RASGRF1: variants seen among roughly 807,000 people sequenced by gnomAD.
RASGRF1 encodes the protein ras-specific guanine nucleotide-releasing factor 1.
A neutral mutation model predicts 138.7 loss-of-function variants in RASGRF1; 40 were observed. The ratio of observed to expected loss-of-function variants is 0.29; its 90% confidence interval spans 0.22 to 0.38. The LOEUF is 0.38. RASGRF1 is among the 10% of genes least tolerant of loss of function. The pLI is 1.00. For missense variants in RASGRF1, 1,108 were observed against 1,650.4 expected, an observed-to-expected ratio of 0.67 and a Z score of 5.69; for synonymous variants, 614 against 663.2, an observed-to-expected ratio of 0.93 and a Z score of 1.14.
Position 79,032,018 on chromosome 15 carries a change from C to G in RASGRF1, c.1152+105G>C. ...TGACCACCTCCCCCGCCCCCTTTGG[C>G]AGCCCAGAGCTGGGGTGCGTTAAGC... is the stretch of plus-strand genomic sequence containing the variant. On this transcript the variant is annotated intron_variant, in intron 7 of 26. Transcript: ENST00000558480. The surrounding 1 kb of genome is among the most constrained non-coding windows in gnomAD (Gnocchi z 4.5). 7.4e-7 allele frequency: 1 copy of G among 1,356,104 alleles called. No homozygotes were observed. The highest frequency in any genetic ancestry group is 1.0e-6 in the Non-Finnish European group (1 of 1,004,758). The allele number at this position is 1,356,104 out of a possible 1,614,324, so 84.0% of individuals were successfully genotyped here. A position where few individuals can be genotyped will look rare whatever the true frequency, so the allele number is the denominator to read the frequency against.
At chr15:79,003,073 GC>G (rs2056574018) in intron 15 of RASGRF1, among the ~76,000 whole-genome samples, 2 of 152,292 alleles carry the variant, frequency 1.3e-5, no homozygotes, top group Admixed American at 1.3e-4. Context: ...GAGTAGGGAG[GC>G]TCCAGCCTGT....
chr15:79,033,355 A>AC (rs1421436181), intron 6 of RASGRF1, among the ~76,000 whole-genome samples: 1 of 150,630 alleles, frequency 6.6e-6, no homozygotes, highest in African/African-American at 2.4e-5. Context: ...TGATTCTCCC[A>AC]CCTCAGCCTC....
intron 26 of RASGRF1, among the ~76,000 whole-genome samples, chr15:78,969,985 T>C (rs1446329608): frequency 6.6e-6 from 1 of 152,226 alleles, no homozygotes; most frequent in African/African-American, 2.4e-5. Flanking sequence ...TAATTGTAGT[T>C]AGTCCACTGA....
chr15:79,081,860 G>A (rs2057918284), intron 1 of RASGRF1, among the ~76,000 whole-genome samples: 1 of 152,200 alleles, frequency 6.6e-6, no homozygotes, highest in African/African-American at 2.4e-5. Context: ...CATCTCAGGA[G>A]GACACTTTAG....
chr15:79,039,014 G>A (rs76624582), intron 5 of RASGRF1, among the ~76,000 whole-genome samples: 25 of 152,116 alleles, frequency 1.6e-4, no homozygotes, highest in Middle Eastern at 3.4e-3. Context: ...TACTAGGCTG[G>A]TTTTTCATAG....
At chr15:79,036,063 G>C (rs998943106) in intron 5 of RASGRF1, among the ~76,000 whole-genome samples, 5 of 152,208 alleles carry the variant, frequency 3.3e-5, no homozygotes, top group African/African-American at 1.2e-4. Flanking sequence ...CCAAGCAGCT[G>C]GTCCCAGAAC....
intron 21 of RASGRF1, among the ~76,000 whole-genome samples, chr15:78,991,155 C>G (rs1212171678): frequency 6.6e-6 from 1 of 152,224 alleles, no homozygotes; most frequent in African/African-American, 2.4e-5. Context: ...ATGCTGTGTA[C>G]TTATTAAAAA....
chr15:78,973,331 C>A lies in RASGRF1; in HGVS notation c.3584G>T (p.Gly1195Val), dbSNP rs775650580. 2 of 1,613,248 alleles carry A rather than the reference C, an allele frequency of 1.2e-6. No homozygotes were observed. Among genetic ancestry groups the A allele is most frequent in the South Asian group, 1.1e-5 (1 of 91,026 alleles). The change falls in exon 25 of 27, where the codon GGC becomes GTC. Residue 1195 changes from glycine to valine, a missense_variant. Coordinates refer to ENST00000558480, the MANE Select transcript of RASGRF1 (RefSeq NM_001145648.3). The surrounding 1 kb of genome is among the most constrained non-coding windows in gnomAD (Gnocchi z 4.9). ...EEGTPNYTEDGLVNFSKMRMI... is the reference protein window; with the variant it reads ...EEGTPNYTEDVLVNFSKMRMI... ...CCTCATCTTGGAGAAGTTGACCAGG[C>A]CGTCTTCCGTGTAATTGGGCGTCCC...
intron 13 of RASGRF1, chr15:79,012,448 C>G (rs760529462): frequency 2.2e-6 from 3 of 1,345,732 alleles, no homozygotes; most frequent in African/African-American, 2.9e-5. Flanking sequence ...GTCTCTCTCT[C>G]TCTCACTAAA....
chr15:79,000,456 G>C (rs2056497816), intron 16 of RASGRF1, among the ~76,000 whole-genome samples: 1 of 152,080 alleles, frequency 6.6e-6, no homozygotes, highest in South Asian at 2.1e-4. Context: ...TAACCCCTCT[G>C]GGTTTCAGTA....
In RASGRF1 at chr15:79,047,003, A is replaced by G; in HGVS notation, c.625-4T>C. 6.2e-7 allele frequency: 1 copy of G among 1,608,568 alleles called. No homozygotes were observed. Among genetic ancestry groups the G allele is most frequent in the Non-Finnish European group, 8.5e-7 (1 of 1,177,214 alleles). On this transcript the variant is annotated splice_polypyrimidine_tract_variant and splice_region_variant and intron_variant, in intron 4 of 26. Transcript: ENST00000558480. Reference sequence around the variant, plus strand: ...AGCCCCGCAGGAAGCTCTGCACCTGAGCAGCAAGACCGGTGGGGAGAGGCT... The same window carrying G: ...AGCCCCGCAGGAAGCTCTGCACCTGGGCAGCAAGACCGGTGGGGAGAGGCT...
chr15:78,966,067 G>A (rs2055637924), intron 26 of RASGRF1, among the ~76,000 whole-genome samples: 1 of 152,028 alleles, frequency 6.6e-6, no homozygotes, highest in Non-Finnish European at 1.5e-5. Flanking sequence ...ATTGGCCAGG[G>A]AGCCATTCTG....
Position 79,090,235 on chromosome 15 carries a change from C to A in RASGRF1, c.264G>T (p.Pro88=). 1 of 1,605,418 alleles carries A rather than the reference C, an allele frequency of 6.2e-7. No homozygotes were observed. Among genetic ancestry groups the A allele is most frequent in the Non-Finnish European group, 8.5e-7 (1 of 1,177,548 alleles). ...ACGCTCGCCTCACCTGTTTCTCCAG[C>A]GGCTCCTTGGCCGACAGCGCCGGCT... ...SPKPALSAKE[P]LEKQHYFTVN... Residue 88 remains proline, a synonymous_variant, in exon 1 of 27, where the codon CCG becomes CCT. Coordinates refer to ENST00000558480, the MANE Select transcript of RASGRF1 (RefSeq NM_001145648.3).
intron 1 of RASGRF1, among the ~76,000 whole-genome samples, chr15:79,067,048 A>G (rs2141069029): frequency 6.6e-6 from 1 of 152,264 alleles, no homozygotes; most frequent in Non-Finnish European, 1.5e-5. Context: ...CCTAACAAGC[A>G]TCCTGCATCT....
At chr15:79,030,048 G>A (rs915629196) in intron 8 of RASGRF1, among the ~76,000 whole-genome samples, 1 of 152,152 alleles carries the variant, frequency 6.6e-6, no homozygotes, top group Admixed American at 6.5e-5. Flanking sequence ...CCACCTTCCT[G>A]CTTGGTGGTT....
intron 2 of RASGRF1, 151 bp from the exon 3 acceptor site, chr15:79,058,632 C>A: frequency 9.2e-7 from 1 of 1,083,700 alleles, no homozygotes; most frequent in Non-Finnish European, 1.3e-6. Context: ...GAGGGCTTGG[C>A]AGGGTAGAGG....
At position 79,006,065 on chromosome 15, in the gene RASGRF1, A is replaced by G; in HGVS notation, c.2075+121T>C. 7.1e-7 allele frequency: 1 copy of G among 1,408,526 alleles called. No homozygotes were observed. The highest frequency in any genetic ancestry group is 9.7e-7 in the Non-Finnish European group (1 of 1,029,418). The allele number at this position is 1,408,526 out of a possible 1,614,324, so 87.3% of individuals were successfully genotyped here. A position where few individuals can be genotyped will look rare whatever the true frequency, so the allele number is the denominator to read the frequency against. On this transcript the variant is annotated intron_variant, in intron 14 of 26. Coordinates refer to ENST00000558480, the MANE Select transcript of RASGRF1 (RefSeq NM_001145648.3). The surrounding 1 kb of genome is among the most constrained non-coding windows in gnomAD (Gnocchi z 4.0). Reference sequence around the variant, plus strand: ...GGCGGTGTGTGTCCCGCAGCACCCCAACACGTTACTGCTGCTCCTCCAGGG... The same window carrying G: ...GGCGGTGTGTGTCCCGCAGCACCCCGACACGTTACTGCTGCTCCTCCAGGG...
At chr15:78,980,318 C>T (rs895084348) in intron 24 of RASGRF1, 4 of 241,818 alleles carry the variant, frequency 1.7e-5, no homozygotes, top group Non-Finnish European at 2.4e-5. Flanking sequence ...GAAAAGAAAA[C>T]GTGCATTTTA....
At chr15:79,005,196 TG>T (rs1229379884) in intron 14 of RASGRF1, 2 of 984,994 alleles carry the variant, frequency 2.0e-6, no homozygotes, top group East Asian at 2.3e-4. Context: ...AGGCCTGAGG[TG>T]GGGGCAGGAG....
Sources: gnomAD v4.1 joint callset for allele counts (sites outside exome capture counted in the v4.1 genomes callset) on GRCh38, gnomAD v4.1.1 for gene constraint, Gnocchi (gnomAD v3.1) non-coding constraint, MANE v1.5 for transcripts, NCBI Gene and HGNC (gene_info 2026-07-23, HGNC 2026-07-21) for gene names.